TMEM132B: variants seen among roughly 807,000 people sequenced by gnomAD.
The protein encoded by TMEM132B is transmembrane protein 132B.
In TMEM132B, 18 loss-of-function variants were observed where a neutral mutation model predicts 90.8. The observed-to-expected ratio is 0.20, with a 90% CI of 0.14 to 0.29. TMEM132B has a LOEUF of 0.29. Ranked by LOEUF, TMEM132B falls within the 10% of genes least tolerant of loss-of-function variation. The pLI, the probability that TMEM132B is intolerant of heterozygous loss-of-function variation, is 1.00. For synonymous variants in TMEM132B, 504 were observed against 523.3 expected (o/e 0.96, Z 0.50); for missense variants, 1,096 against 1,326.8 (o/e 0.83, Z 2.70).
At chr12:125,471,487 G>A (rs1881719531) in intron 3 of TMEM132B, among the ~76,000 whole-genome samples, 1 of 152,186 alleles carries the variant, frequency 6.6e-6, no homozygotes, top group African/African-American at 2.4e-5. Context: ...AATCACAGAT[G>A]ATTTTAAAGT....
Position 125,247,656 on chromosome 12 carries a change from C to G in TMEM132B, c.67+60790C>G, listed in dbSNP as rs537414702. 6.6e-5 allele frequency among the ~76,000 whole-genome samples: 10 copies of G among 152,220 alleles called. No homozygotes were observed. In the South Asian group the frequency reaches 1.9e-3, roughly 28 times the overall value. On this transcript the variant is annotated intron_variant, in intron 1 of 8. Transcript: ENST00000682704. ...CTATTGGCCAATCAGAACATGGCCC[C>G]CTGGCTAATCAGAGCACAGCAGCCC...
intron 5 of TMEM132B, among the ~76,000 whole-genome samples, chr12:125,639,532 G>T (rs1886574921): frequency 6.6e-6 from 1 of 152,244 alleles, no homozygotes; most frequent in Admixed American, 6.5e-5. Flanking sequence ...AAAGGTCCAT[G>T]TTCTGAAGCA....
intron 3 of TMEM132B, among the ~76,000 whole-genome samples, chr12:125,504,781 A>C (rs1222160373): frequency 1.3e-5 from 2 of 152,090 alleles, no homozygotes; most frequent in Non-Finnish European, 2.9e-5. Context: ...ACACTGATGG[A>C]AGTACCCATG....
chr12:125,516,501 T>G (rs1374509936), intron 3 of TMEM132B, among the ~76,000 whole-genome samples: 2 of 152,224 alleles, frequency 1.3e-5, no homozygotes, highest in Non-Finnish European at 2.9e-5. Context: ...TCTGCCTTAA[T>G]TGTTATTCCA....
At position 125,326,789 on chromosome 12, in the gene TMEM132B, A is replaced by G. The variant is rs1876589380; in HGVS notation, c.68-22663A>G. 9 of 1,084,824 alleles carry G rather than the reference A, an allele frequency of 8.3e-6. No individual in the cohort carries two copies. The East Asian group carries it at 2.1e-4, about 25-fold the overall frequency. 67.2% of individuals were successfully genotyped at this position (1,084,824 alleles called of 1,614,324 possible). ...CCCTTTGCAGCAAACTTCTTGAAAG[A>G]GTTGCCTGTTCTCCGTGCACCCCTT... is the stretch of plus-strand genomic sequence containing the variant. On this transcript the variant is annotated intron_variant, in intron 1 of 8. Transcript: ENST00000682704.
At chr12:125,336,854 A>G (rs1366197330) in intron 1 of TMEM132B, among the ~76,000 whole-genome samples, 2 of 152,142 alleles carry the variant, frequency 1.3e-5, no homozygotes, top group Non-Finnish European at 2.9e-5. Context: ...CTGCTTCCCA[A>G]TCACACAGTG....
At chr12:125,389,795 G>A (rs1011611746) in intron 2 of TMEM132B, among the ~76,000 whole-genome samples, 2 of 152,124 alleles carry the variant, frequency 1.3e-5, no homozygotes, top group Non-Finnish European at 2.9e-5. Context: ...CTCATAAGTA[G>A]GGCACCTTTG....
chr12:125,357,214 AAGTT>A (rs1243457471), intron 2 of TMEM132B, among the ~76,000 whole-genome samples: 8 of 152,230 alleles, frequency 5.3e-5, no homozygotes, highest in African/African-American at 1.9e-4. Flanking sequence ...TAAATATTGA[AAGTT>A]AGGACACATA....
At chr12:125,597,570 C>T (rs1444373866) in intron 5 of TMEM132B, among the ~76,000 whole-genome samples, 1 of 152,184 alleles carries the variant, frequency 6.6e-6, no homozygotes, top group Admixed American at 6.5e-5. Flanking sequence ...GCACTGGGCT[C>T]ATTGTATGTA....
intron 4 of TMEM132B, among the ~76,000 whole-genome samples, chr12:125,545,924 A>G (rs1884078580): frequency 6.6e-6 from 1 of 152,180 alleles, no homozygotes; most frequent in Admixed American, 6.5e-5. Context: ...TCTGGCTTCT[A>G]AAGCCTTCAG....
chr12:125,488,255 G>T (rs1417694306), intron 3 of TMEM132B, among the ~76,000 whole-genome samples: 4 of 152,148 alleles, frequency 2.6e-5, no homozygotes, highest in Admixed American at 2.6e-4. Context: ...TGAATGTCTA[G>T]CCAAGGCAAT....
intron 1 of TMEM132B, among the ~76,000 whole-genome samples, chr12:125,339,512 A>C (rs1268478870): frequency 6.6e-6 from 1 of 152,208 alleles, no homozygotes; most frequent in Non-Finnish European, 1.5e-5. Flanking sequence ...TGACGATGGA[A>C]CACCCACTCC....
chr12:125,298,486 C>A (rs1875726668), intron 1 of TMEM132B, among the ~76,000 whole-genome samples: 1 of 151,512 alleles, frequency 6.6e-6, no homozygotes, highest in Admixed American at 6.6e-5. Flanking sequence ...GCAGCCTGGC[C>A]AACGTGGTGA....
intron 1 of TMEM132B, among the ~76,000 whole-genome samples, chr12:125,195,554 ATGGC>A (rs1437823100): frequency 6.6e-6 from 1 of 151,748 alleles, no homozygotes; most frequent in Non-Finnish European, 1.5e-5. Flanking sequence ...GCTCACCACC[ATGGC>A]TGGCTAATTT....
chr12:125,550,447 G>C (rs755103022), intron 4 of TMEM132B, among the ~76,000 whole-genome samples: 1 of 151,984 alleles, frequency 6.6e-6, no homozygotes, highest in Non-Finnish European at 1.5e-5. Context: ...CTGCATTTCT[G>C]TGCAGTTACT....
At chr12:125,527,267 T>TCC (rs1883502979) in intron 4 of TMEM132B, among the ~76,000 whole-genome samples, 4 of 63,588 alleles carry the variant, frequency 6.3e-5, no homozygotes, top group African/African-American at 2.3e-4. Context: ...TCCACCCGTT[T>TCC]ACCCTTCTAT....
At chr12:125,372,310 C>T (rs960557342) in intron 2 of TMEM132B, among the ~76,000 whole-genome samples, 7 of 152,302 alleles carry the variant, frequency 4.6e-5, no homozygotes, top group African/African-American at 1.7e-4. Flanking sequence ...ATAAAGTATC[C>T]CTTGAGTGGA....
intron 5 of TMEM132B, among the ~76,000 whole-genome samples, chr12:125,624,480 A>G (rs1262591261): frequency 6.6e-6 from 1 of 152,168 alleles, no homozygotes; most frequent in Non-Finnish European, 1.5e-5. Flanking sequence ...ACCATCCAAT[A>G]AGGGCAGAGA....
At position 125,460,548 on chromosome 12, in the gene TMEM132B, C is replaced by T. The variant is rs963834698; in HGVS notation, c.1106+44871C>T. Among the ~76,000 whole-genome samples the T allele has an allele frequency of 1.3e-5, 2 of 152,132 alleles. No individual in the cohort carries two copies. Among genetic ancestry groups the T allele is most frequent in the Non-Finnish European group, 2.9e-5 (2 of 68,016 alleles). On this transcript the variant is annotated intron_variant, in intron 3 of 8. Coordinates refer to ENST00000682704, the MANE Select transcript of TMEM132B (RefSeq NM_001366854.1). This position sits in a 1 kb window ranked among gnomAD's most constrained non-coding sequence, Gnocchi z 4.4. ...TCTACCAAGAATACATCTTAATTTTCGTTCTTAAGCTAAAGAAATCATCTC... is the reference window on the plus strand; with the variant it reads ...TCTACCAAGAATACATCTTAATTTTTGTTCTTAAGCTAAAGAAATCATCTC...
Sources: allele counts gnomAD v4.1 joint callset (sites outside exome capture counted in the v4.1 genomes callset), GRCh38; gene constraint gnomAD v4.1.1; non-coding constraint Gnocchi (gnomAD v3.1); transcripts MANE v1.5; gene names NCBI Gene and HGNC (gene_info 2026-07-23, HGNC 2026-07-21).